CCSER1: variants seen among roughly 807,000 people sequenced by gnomAD.
CCSER1 encodes serine-rich coiled-coil domain-containing protein 1.
A neutral mutation model predicts 82.0 loss-of-function variants in CCSER1; 41 were observed. That is an observed-to-expected ratio of 0.50 (90% CI 0.39 to 0.65). The LOEUF is 0.65. Among genes scored for constraint, CCSER1 ranks in the 30% least tolerant of loss-of-function variants. The pLI is 0.00. For synonymous variants in CCSER1, 414 were observed against 383.9 expected, an observed-to-expected ratio of 1.08 and a Z score of -0.92; for missense variants, 1,119 against 1,064.2, an observed-to-expected ratio of 1.05 and a Z score of -0.72.
chr4:90,847,749 C>T (rs1056381721), intron 8 of CCSER1, among the ~76,000 whole-genome samples: 5 of 152,148 alleles, frequency 3.3e-5, no homozygotes, highest in East Asian at 1.9e-4. Flanking sequence ...AAATCAAATA[C>T]GCACTGTGAG....
intron 10 of CCSER1, among the ~76,000 whole-genome samples, chr4:91,111,399 T>C (rs1176101244): frequency 6.6e-6 from 1 of 151,994 alleles, no homozygotes; most frequent in African/African-American, 2.4e-5. Context: ...AAATGGTATT[T>C]AAACTAATGT....
intron 10 of CCSER1, among the ~76,000 whole-genome samples, chr4:91,564,295 T>C (rs1247795894): frequency 6.6e-6 from 1 of 151,992 alleles, no homozygotes; most frequent in East Asian, 1.9e-4. Context: ...GATCTGTCAT[T>C]GATGGGCATT....
At chr4:91,484,833 C>G (rs1277309798) in intron 10 of CCSER1, among the ~76,000 whole-genome samples, 1 of 152,174 alleles carries the variant, frequency 6.6e-6, no homozygotes, top group African/African-American at 2.4e-5. Flanking sequence ...TGTGTTTTAA[C>G]AGACTTTCCC....
chr4:91,205,088 A>T (rs1052927090), intron 10 of CCSER1, among the ~76,000 whole-genome samples: 21 of 151,802 alleles, frequency 1.4e-4, no homozygotes, highest in Non-Finnish European at 4.4e-5. Context: ...GATTTATAAG[A>T]TCATTTACTT....
chr4:90,911,790 G>A (rs564701999), intron 8 of CCSER1, among the ~76,000 whole-genome samples: 24 of 152,252 alleles, frequency 1.6e-4, no homozygotes, highest in African/African-American at 3.4e-4. Flanking sequence ...CTAATACTGC[G>A]CTTTTCCGAT....
At chr4:90,738,601 G>C (rs1437075850) in intron 7 of CCSER1, among the ~76,000 whole-genome samples, 1 of 152,190 alleles carries the variant, frequency 6.6e-6, no homozygotes, top group African/African-American at 2.4e-5. Context: ...AAGGCCCACT[G>C]TGACCTCCCA....
At chr4:91,118,284 C>CTTTT (rs1251894474) in intron 10 of CCSER1, among the ~76,000 whole-genome samples, 13 of 123,250 alleles carry the variant, frequency 1.1e-4, no homozygotes, top group African/African-American at 2.7e-4. Flanking sequence ...GTTATGGAGA[C>CTTTT]TTTTTTTTTT....
At chr4:91,125,563 T>C (rs1485989204) in intron 10 of CCSER1, among the ~76,000 whole-genome samples, 1 of 151,762 alleles carries the variant, frequency 6.6e-6, no homozygotes, top group Non-Finnish European at 1.5e-5. Flanking sequence ...CTAAATTCCC[T>C]AATGCCTTTA....
At chr4:90,909,462 G>A (rs895075918) in intron 8 of CCSER1, among the ~76,000 whole-genome samples, 13 of 152,072 alleles carry the variant, frequency 8.5e-5, no homozygotes, top group Non-Finnish European at 1.5e-4. Context: ...TGGGGTGGAG[G>A]CAGTAGATAT....
chr4:90,273,445 T>C (rs1419249996), intron 1 of CCSER1, among the ~76,000 whole-genome samples: 1 of 152,172 alleles, frequency 6.6e-6, no homozygotes, highest in African/African-American at 2.4e-5. Flanking sequence ...ATACATTGTA[T>C]GCCTGTATCA....
intron 7 of CCSER1, among the ~76,000 whole-genome samples, chr4:90,754,641 C>G (rs1224921323): frequency 6.6e-6 from 1 of 152,186 alleles, no homozygotes; most frequent in Non-Finnish European, 1.5e-5. Flanking sequence ...CAGTGTCACT[C>G]ACCTCGGAAA....
intron 8 of CCSER1, among the ~76,000 whole-genome samples, chr4:90,867,824 C>T (rs1430723087): frequency 2.6e-5 from 4 of 151,958 alleles, no homozygotes; most frequent in Non-Finnish European, 5.9e-5. Context: ...TGGCTTATTT[C>T]ACTTAACATA....
chr4:91,560,512 T>C (rs1479772391), intron 10 of CCSER1, among the ~76,000 whole-genome samples: 2 of 151,524 alleles, frequency 1.3e-5, no homozygotes, highest in Non-Finnish European at 3.0e-5. Flanking sequence ...TGTTCATTAA[T>C]AGCTGGCAGG....
chr4:90,352,076 G>A (rs1444036468), intron 3 of CCSER1, among the ~76,000 whole-genome samples: 1 of 152,192 alleles, frequency 6.6e-6, no homozygotes, highest in Non-Finnish European at 1.5e-5. Context: ...TGTAATCCCA[G>A]CACTTTGGGA....
chr4:90,500,644 T>G (rs1769720612), intron 5 of CCSER1, among the ~76,000 whole-genome samples: 1 of 152,170 alleles, frequency 6.6e-6, no homozygotes, highest in Non-Finnish European at 1.5e-5. Context: ...ATCTTTTGTT[T>G]AAATCATATT....
At chr4:90,457,845 C>T (rs1762385007) in intron 4 of CCSER1, among the ~76,000 whole-genome samples, 1 of 152,152 alleles carries the variant, frequency 6.6e-6, no homozygotes, top group Admixed American at 6.5e-5. Flanking sequence ...CACCCAGGAG[C>T]CTATCTGCTT....
chr4:90,526,833 C>T (rs139335398), intron 5 of CCSER1, among the ~76,000 whole-genome samples: 79 of 152,260 alleles, frequency 5.2e-4, no homozygotes, highest in African/African-American at 1.6e-3. Context: ...AATAAACATA[C>T]GTGTGCATGT....
At chr4:91,037,060 G>C (rs995000493) in intron 9 of CCSER1, among the ~76,000 whole-genome samples, 2 of 152,106 alleles carry the variant, frequency 1.3e-5, no homozygotes, top group African/African-American at 4.8e-5. Flanking sequence ...CTGGGCAACA[G>C]AGTGAGACTC....
chr4:90,778,270 A>G (rs2149596707), intron 7 of CCSER1, among the ~76,000 whole-genome samples: 1 of 152,270 alleles, frequency 6.6e-6, no homozygotes, highest in East Asian at 1.9e-4. Flanking sequence ...TGGCAATTGG[A>G]AGACTATGAT....
Sources: allele counts gnomAD v4.1 joint callset (sites outside exome capture counted in the v4.1 genomes callset), GRCh38; gene constraint gnomAD v4.1.1; transcripts MANE v1.5; gene names NCBI Gene and HGNC (gene_info 2026-07-23, HGNC 2026-07-21).